Variants in PTPRO observed in about 807,000 individuals in gnomAD.
PTPRO encodes protein tyrosine phosphatase receptor type O, also known as receptor-type tyrosine-protein phosphatase O.
PTPRO carries 62 observed loss-of-function variants against 145.2 expected under a neutral mutation model. That is an observed-to-expected ratio of 0.43 (90% CI 0.35 to 0.53). The LOEUF (loss-of-function observed/expected upper bound fraction) is 0.53, where lower values mean the gene tolerates loss of function less well. Ranked by LOEUF, PTPRO falls within the 20% of genes least tolerant of loss-of-function variation. PTPRO has a pLI of 0.01. For synonymous variants in PTPRO, 565 were observed against 514.7 expected (o/e 1.10, Z -1.32); for missense variants, 1,345 against 1,482.7 (o/e 0.91, Z 1.53).
chr12:15,366,793 G>C (rs928800137), intron 1 of PTPRO, among the ~76,000 whole-genome samples: 1 of 152,158 alleles, frequency 6.6e-6, no homozygotes, highest in Non-Finnish European at 1.5e-5. Flanking sequence ...TGATGAAGGA[G>C]ATGGTATAAA....
intron 1 of PTPRO, among the ~76,000 whole-genome samples, chr12:15,402,978 T>C (rs1939541098): frequency 6.6e-6 from 1 of 152,202 alleles, no homozygotes; most frequent in Admixed American, 6.5e-5. Flanking sequence ...GTTAAGGCAA[T>C]GCTGACAATT....
intron 9 of PTPRO, 109 bp downstream of exon 9, chr12:15,517,065 A>G: frequency 9.5e-7 from 1 of 1,057,596 alleles, no homozygotes. Context: ...TTTTGTAAAT[A>G]CACATAGTGT....
intron 23 of PTPRO, among the ~76,000 whole-genome samples, chr12:15,583,170 T>G (rs1944356964): frequency 6.6e-6 from 1 of 152,142 alleles, no homozygotes; most frequent in African/African-American, 2.4e-5. Flanking sequence ...TAAGAATGGT[T>G]TTTACATTTT....
chr12:15,373,569 A>G lies in PTPRO; in HGVS notation c.75+50768A>G, dbSNP rs556781267. ...TATCATCAAGCTATTCCAGTTTTTT[A>G]TGGACGGAAGTGTTTAACTGGCAAA... On this transcript the variant is annotated intron_variant, in intron 1 of 26. Coordinates refer to ENST00000281171, the MANE Select transcript of PTPRO (RefSeq NM_030667.3). Among the ~76,000 whole-genome samples the G allele has an allele frequency of 5.3e-5, 8 of 152,266 alleles. No homozygotes were observed. In the East Asian group the frequency reaches 1.5e-3, roughly 29 times the overall value.
At chr12:15,443,395 T>A (rs1263034186) in intron 1 of PTPRO, among the ~76,000 whole-genome samples, 2 of 151,984 alleles carry the variant, frequency 1.3e-5, no homozygotes, top group African/African-American at 2.4e-5. Flanking sequence ...CTATAAGAAT[T>A]CTAGAAGAAA....
chr12:15,595,159 T>G, intron 26 of PTPRO, 102 bp downstream of exon 26: 1 of 762,502 alleles, frequency 1.3e-6, no homozygotes, highest in South Asian at 1.5e-5. Context: ...GTATTGACTC[T>G]GACTTCACAT....
At chr12:15,546,822 G>A in intron 13 of PTPRO, 114 bp downstream of exon 13, 1 of 1,440,870 alleles carries the variant, frequency 6.9e-7, no homozygotes, top group South Asian at 1.2e-5. Flanking sequence ...CTGTTTATTT[G>A]CTCTTTTGTG....
At chr12:15,421,575 C>A (rs1364590796) in intron 1 of PTPRO, among the ~76,000 whole-genome samples, 5 of 152,096 alleles carry the variant, frequency 3.3e-5, no homozygotes, top group Admixed American at 3.3e-4. Flanking sequence ...GTTTAATTTG[C>A]CAGCAGGTTT....
Position 15,495,329 on chromosome 12 carries a change from A to G in PTPRO, c.350-1916A>G, listed in dbSNP as rs145697683. On this transcript the variant is annotated intron_variant, in intron 2 of 26. Transcript: ENST00000281171. ...TCTGGGTTTCTTAAAGTCAAAAACAAAGATAGATTAAGAACCTGAGCAACA... is the reference window on the plus strand; with the variant it reads ...TCTGGGTTTCTTAAAGTCAAAAACAGAGATAGATTAAGAACCTGAGCAACA... 3.9e-3 allele frequency among the ~76,000 whole-genome samples: 586 copies of G among 150,590 alleles called. 4 individuals are homozygous for G. The highest frequency in any genetic ancestry group is 0.014 in the African/African-American group (554 of 40,814).
At chr12:15,432,416 A>G (rs58146328) in intron 1 of PTPRO, among the ~76,000 whole-genome samples, 3,610 of 152,272 alleles carry the variant, frequency 0.024, 160 homozygotes, top group African/African-American at 0.083. Context: ...ATGGGCATTT[A>G]GGTTGATTGT....
At position 15,378,460 on chromosome 12, in the gene PTPRO, T is replaced by A. The variant is rs867186545; in HGVS notation, c.75+55659T>A. Among the ~76,000 whole-genome samples the A allele has an allele frequency of 5.9e-5, 9 of 152,094 alleles. No individual in the cohort carries two copies. In the East Asian group the frequency reaches 1.5e-3, roughly 26 times the overall value. Reference sequence around the variant, plus strand: ...GGATAACTTAGATGAAACCGATAAATTTCTAGAAAAACACAAAATACCGAA... The same window carrying A: ...GGATAACTTAGATGAAACCGATAAAATTCTAGAAAAACACAAAATACCGAA... On this transcript the variant is annotated intron_variant, in intron 1 of 26. Coordinates refer to ENST00000281171, the MANE Select transcript of PTPRO (RefSeq NM_030667.3).
At chr12:15,386,103 C>G (rs1161344158) in intron 1 of PTPRO, among the ~76,000 whole-genome samples, 1 of 151,996 alleles carries the variant, frequency 6.6e-6, no homozygotes, top group Non-Finnish European at 1.5e-5. Context: ...ATATCCCCCA[C>G]TCAAGTCATC....
chr12:15,434,670 G>A (rs1379749742), intron 1 of PTPRO, among the ~76,000 whole-genome samples: 1 of 152,104 alleles, frequency 6.6e-6, no homozygotes, highest in Non-Finnish European at 1.5e-5. Flanking sequence ...TTTTCAACAA[G>A]CTGGCCAGAT....
In PTPRO at chr12:15,524,869, C is replaced by T. The variant is rs748408635; in HGVS notation, c.1947C>T (p.Ile649=). The change falls in exon 11 of 27, where the codon ATC becomes ATT. Residue 649 remains isoleucine (I), a synonymous_variant. Coordinates refer to ENST00000281171, the MANE Select transcript of PTPRO (RefSeq NM_030667.3). ...AATATTTCAACAGTCTGTTATATATCAGTTGGACATATGGGGATGATACAA... is the reference window on the plus strand; with the variant it reads ...AATATTTCAACAGTCTGTTATATATTAGTTGGACATATGGGGATGATACAA... ...SVEYFNSLLY[I]SWTYGDDTTD... 2 of 1,613,322 alleles carry T rather than the reference C, an allele frequency of 1.2e-6. No homozygotes were observed. Among genetic ancestry groups the T allele is most frequent in the South Asian group, 1.1e-5 (1 of 91,074 alleles).
chr12:15,586,272 A>G (rs1944427607), intron 23 of PTPRO, among the ~76,000 whole-genome samples: 2 of 152,250 alleles, frequency 1.3e-5, no homozygotes, highest in Admixed American at 1.3e-4. Context: ...GAAGCCCTAC[A>G]GAGCATTCAG....
At chr12:15,528,791 G>A (rs945942196) in intron 12 of PTPRO, among the ~76,000 whole-genome samples, 2 of 151,932 alleles carry the variant, frequency 1.3e-5, no homozygotes, top group Admixed American at 1.3e-4. Context: ...GAGAAAAGGA[G>A]CAAATAACAG....
Position 15,511,187 on chromosome 12 carries a change from C to T in PTPRO, c.1464+2420C>T, listed in dbSNP as rs1287586963. Among the ~76,000 whole-genome samples the T allele has an allele frequency of 1.2e-4, 18 of 152,018 alleles. 1 individual carries two copies. Among genetic ancestry groups the T allele is most frequent in the Non-Finnish European group, 2.6e-4 (18 of 68,000 alleles). ...GACAGTCAGGAAAAATATTGGGATG[C>T]TAAATGAGTGGAAATTAAGGGGGAG... On this transcript the variant is annotated intron_variant, in intron 7 of 26. Coordinates refer to ENST00000281171, the MANE Select transcript of PTPRO (RefSeq NM_030667.3).
chr12:15,507,421 A>ATAAC (rs1942344009), intron 6 of PTPRO, among the ~76,000 whole-genome samples: 1 of 101,648 alleles, frequency 9.8e-6, no homozygotes, highest in Non-Finnish European at 2.3e-5. Flanking sequence ...AAATAAATAA[A>ATAAC]TAAATAAATA....
At position 15,580,135 on chromosome 12, in the gene PTPRO, C is replaced by T. The variant is rs2135642699; in HGVS notation, c.2997+20C>T. On this transcript the variant is annotated intron_variant, in intron 21 of 26. Transcript: ENST00000281171. Reference sequence around the variant, plus strand: ...ATTCCTGTAAGTAGAAAAAAAAAATCAGGCATCCCAAAGCTAACCAGCCAG... The same window carrying T: ...ATTCCTGTAAGTAGAAAAAAAAAATTAGGCATCCCAAAGCTAACCAGCCAG... The T allele has an allele frequency of 6.4e-7, 1 of 1,574,558 alleles. No homozygotes were observed. Among genetic ancestry groups the T allele is most frequent in the Non-Finnish European group, 8.7e-7 (1 of 1,148,540 alleles).
Sources: gnomAD v4.1 joint callset for allele counts (sites outside exome capture counted in the v4.1 genomes callset) on GRCh38, gnomAD v4.1.1 for gene constraint, MANE v1.5 for transcripts, NCBI Gene and HGNC (gene_info 2026-07-23, HGNC 2026-07-21) for gene names.